Variants in ACTN4 observed in about 807,000 individuals in gnomAD.
The protein encoded by ACTN4 is alpha-actinin-4.
A neutral mutation model predicts 114.2 loss-of-function variants in ACTN4; 18 were observed. That is an observed-to-expected ratio of 0.16 (90% CI 0.11 to 0.23). ACTN4 has a LOEUF of 0.23. Ranked by LOEUF, ACTN4 falls within the 10% of genes least tolerant of loss-of-function variation. The pLI, the probability that ACTN4 is intolerant of heterozygous loss-of-function variation, is 1.00. For synonymous variants in ACTN4, 515 were observed against 506.3 expected (o/e 1.02, Z -0.23); for missense variants, 722 against 1,262.9 (o/e 0.57, Z 6.49).
chr19:38,674,096 G>A (rs1967299356), intron 1 of ACTN4, among the ~76,000 whole-genome samples: 1 of 151,948 alleles, frequency 6.6e-6, no homozygotes, highest in African/African-American at 2.4e-5. Context: ...TTTTTATGAA[G>A]GAAAAGACCA....
intron 1 of ACTN4, among the ~76,000 whole-genome samples, chr19:38,678,089 A>G (rs1051918248): frequency 5.3e-5 from 8 of 152,198 alleles, no homozygotes; most frequent in Non-Finnish European, 7.3e-5. Context: ...AGAGGTGGGA[A>G]AATCATCGTT....
chr19:38,718,898 T>TG (rs34791774), intron 11 of ACTN4, among the ~76,000 whole-genome samples: 1 of 152,212 alleles, frequency 6.6e-6, no homozygotes, highest in Non-Finnish European at 1.5e-5. Flanking sequence ...GCCTGCCTCC[T>TG]GGGCCTGCTG....
intron 1 of ACTN4, among the ~76,000 whole-genome samples, chr19:38,673,441 T>TA (rs1967196653): frequency 1.7e-5 from 2 of 114,332 alleles, no homozygotes; most frequent in Admixed American, 1.9e-4. Context: ...GTTTTATTTT[T>TA]TATATATATA....
intron 1 of ACTN4, among the ~76,000 whole-genome samples, chr19:38,686,461 A>G (rs1247929511): frequency 6.6e-6 from 1 of 151,852 alleles, no homozygotes; most frequent in Non-Finnish European, 1.5e-5. Context: ...CTCCAGGTGA[A>G]GGGCCCCGTG....
intron 3 of ACTN4, among the ~76,000 whole-genome samples, chr19:38,703,665 G>T (rs1313946694): frequency 2.0e-5 from 3 of 152,220 alleles, no homozygotes; most frequent in Non-Finnish European, 4.4e-5. Context: ...ACTGGATCCA[G>T]TGGTGGTCAG....
At chr19:38,705,042 C>T (rs1445391552) in intron 4 of ACTN4, 22 bp downstream of exon 4, 1 of 1,606,726 alleles carries the variant, frequency 6.2e-7, no homozygotes, top group East Asian at 2.2e-5. Flanking sequence ...CTGTACTGCC[C>T]CCGCTTCCCA....
chr19:38,659,921 C>CTT (rs3033328), intron 1 of ACTN4, among the ~76,000 whole-genome samples: 45,723 of 131,874 alleles, frequency 0.35, 9,497 homozygotes, highest in Non-Finnish European at 0.46. Flanking sequence ...TCTATATGAT[C>CTT]TTTTTTTTTT....
At chr19:38,695,606 A>C (rs1968066729) in intron 1 of ACTN4, among the ~76,000 whole-genome samples, 1 of 151,876 alleles carries the variant, frequency 6.6e-6, no homozygotes, top group African/African-American at 2.4e-5. Context: ...CAGGGACAGC[A>C]TGACCGTTTA....
In ACTN4 at chr19:38,730,836, C is replaced by T. The variant is rs753493063; in HGVS notation, c.*1404C>T. ...GCAACCCTGCCCTGAGCAGCAGGTG[C>T]GCCCATCCGGAGATCCTAGGAGAAG... On this transcript the variant is annotated 3_prime_UTR_variant, in exon 21 of 21. Transcript: ENST00000252699. The T allele has an allele frequency of 2.4e-5, 37 of 1,550,666 alleles. No individual in the cohort carries two copies. Among genetic ancestry groups the T allele is most frequent in the South Asian group, 7.1e-5 (6 of 84,080 alleles).
rs745465563 is a variant in ACTN4, at chr19:38,729,447, G to A, written c.*15G>A. On this transcript the variant is annotated 3_prime_UTR_variant, in exon 21 of 21. Coordinates refer to ENST00000252699, the MANE Select transcript of ACTN4 (RefSeq NM_004924.6). ...GCGACCTGTGAGGCCCCAGAGACCT[G>A]ACCCAACACCCCCGACGGCCTCCAG... 2 of 1,606,996 alleles carry A rather than the reference G, an allele frequency of 1.2e-6. No homozygotes were observed. Among genetic ancestry groups the A allele is most frequent in the Non-Finnish European group, 1.7e-6 (2 of 1,177,242 alleles).
chr19:38,729,330 C>T lies in ACTN4; in HGVS notation c.2634C>T (p.Tyr878=). ...RRELPPDQAE[Y]CIARMAPYQG... ...AGCTGCCCCCCGACCAGGCCGAGTA[C>T]TGCATCGCCCGCATGGCGCCATACC... is the stretch of plus-strand genomic sequence containing the variant. The change falls in exon 21 of 21, where the codon TAC becomes TAT. Residue 878 remains tyrosine, a synonymous_variant. Transcript: ENST00000252699. The T allele has an allele frequency of 6.2e-7, 1 of 1,612,444 alleles. No individual in the cohort carries two copies.
rs761791114 is a variant in ACTN4, at chr19:38,724,327, C to T, written c.1863C>T (p.Ser621=). ...CCGTCACCCCGCAAATCATCAACTC[C>T]AAGTGGGAGAAGGTGGGCCGGGGCC... The part of the protein sequence containing the change: ...YTTVTPQIIN[S]KWEKVQQLVP... The change falls in exon 15 of 21, where the codon TCC becomes TCT. Residue 621 remains serine (S), a synonymous_variant. Transcript: ENST00000252699. The surrounding 1 kb of genome is among the most constrained non-coding windows in gnomAD (Gnocchi z 7.0). 2.5e-6 allele frequency: 4 copies of T among 1,613,646 alleles called. No homozygotes were observed. The Admixed American group carries it at 5.0e-5, about 20-fold the overall frequency.
rs545525497 is a variant in ACTN4, at chr19:38,727,815, A to T, written c.2338-131A>T. 4.8e-6 allele frequency: 4 copies of T among 827,136 alleles called. No homozygotes were observed. Among genetic ancestry groups the T allele is most frequent in the Middle Eastern group, 4.5e-4 (2 of 4,406 alleles). The allele number at this position is 827,136 out of a possible 1,614,324, so 51.2% of individuals were successfully genotyped here. ...CGTGTCCCTGGCCATCTCCTTGTCC[A>T]TGTTGCCTCTAACTCTGTGTTTCCC... On this transcript the variant is annotated intron_variant, in intron 18 of 20. Transcript: ENST00000252699. The surrounding 1 kb of genome is among the most constrained non-coding windows in gnomAD (Gnocchi z 5.4).
At chr19:38,694,541 C>T (rs934144771) in intron 1 of ACTN4, among the ~76,000 whole-genome samples, 4 of 151,714 alleles carry the variant, frequency 2.6e-5, no homozygotes, top group Admixed American at 6.6e-5. Context: ...ATTACAGGTG[C>T]GAGCCACTGC....
intron 1 of ACTN4, among the ~76,000 whole-genome samples, chr19:38,652,686 G>C (rs1301462000): frequency 6.6e-6 from 1 of 152,190 alleles, no homozygotes; most frequent in Non-Finnish European, 1.5e-5. Flanking sequence ...CTGCCTTGTG[G>C]GGGGGAAAGT....
Position 38,717,066 on chromosome 19 carries a change from C to G in ACTN4, c.913-20C>G, listed in dbSNP as rs1339114651. 1.2e-6 allele frequency: 2 copies of G among 1,606,270 alleles called. No homozygotes were observed. Among genetic ancestry groups the G allele is most frequent in the African/African-American group, 1.3e-5 (1 of 74,882 alleles). On this transcript the variant is annotated intron_variant, in intron 9 of 20. Coordinates refer to ENST00000252699, the MANE Select transcript of ACTN4 (RefSeq NM_004924.6). This position sits in a 1 kb window ranked among gnomAD's most constrained non-coding sequence, Gnocchi z 4.0. ...CTGAGGGTCCCCCACAAAGGCCACG[C>G]TGGCTTCTGTGGCCCACAGCTCCTG...
chr19:38,685,082 A>C (rs1263081255), intron 1 of ACTN4, among the ~76,000 whole-genome samples: 1 of 152,112 alleles, frequency 6.6e-6, no homozygotes, highest in East Asian at 1.9e-4. Flanking sequence ...AGTAGCTGTG[A>C]TTACAGGCAC....
At chr19:38,701,451 G>C (rs889324602) in intron 3 of ACTN4, among the ~76,000 whole-genome samples, 5 of 152,218 alleles carry the variant, frequency 3.3e-5, no homozygotes, top group African/African-American at 1.2e-4. Context: ...CTTGTGCCAG[G>C]CTCAGCAGAC....
At chr19:38,688,520 G>A (rs1169511809) in intron 1 of ACTN4, among the ~76,000 whole-genome samples, 3 of 151,548 alleles carry the variant, frequency 2.0e-5, no homozygotes, top group African/African-American at 4.8e-5. Context: ...GCATTGAGCC[G>A]AGATCACGCC....
Sources: allele counts gnomAD v4.1 joint callset (sites outside exome capture counted in the v4.1 genomes callset), GRCh38; gene constraint gnomAD v4.1.1; non-coding constraint Gnocchi (gnomAD v3.1); transcripts MANE v1.5; gene names NCBI Gene and HGNC (gene_info 2026-07-23, HGNC 2026-07-21).